Variants in LUZP2 observed in about 807,000 individuals in gnomAD.
LUZP2 encodes the protein leucine zipper protein 2.
A neutral mutation model predicts 51.6 loss-of-function variants in LUZP2; 52 were observed. The observed-to-expected ratio is 1.01, with a 90% CI of 0.81 to 1.27. The LOEUF (loss-of-function observed/expected upper bound fraction) is 1.27. LUZP2 is among the 50% of genes most tolerant of loss of function. LUZP2 has a pLI of 0.00. For synonymous variants in LUZP2, 154 were observed against 137.3 expected, an observed-to-expected ratio of 1.12 and a Z score of -0.85; for missense variants, 436 against 395.4, an observed-to-expected ratio of 1.10 and a Z score of -0.87.
intron 5 of LUZP2, among the ~76,000 whole-genome samples, chr11:24,836,993 T>G (rs1416628542): frequency 6.6e-6 from 1 of 150,548 alleles, no homozygotes; most frequent in African/African-American, 2.5e-5. Flanking sequence ...CCTCACCCTT[T>G]AAAGTCTTTC....
chr11:24,823,844 A>C (rs1850436814), intron 5 of LUZP2, among the ~76,000 whole-genome samples: 1 of 152,128 alleles, frequency 6.6e-6, no homozygotes, highest in Non-Finnish European at 1.5e-5. Context: ...CGGGTGGATC[A>C]CAAAGTCAGG....
chr11:24,602,224 G>A (rs866734574), intron 1 of LUZP2, among the ~76,000 whole-genome samples: 4 of 17,028 alleles, frequency 2.3e-4, no homozygotes, highest in South Asian at 1.9e-3. Flanking sequence ...ATGTATATAT[G>A]TACATATATG....
chr11:24,968,402 G>C (rs977119096), intron 7 of LUZP2, among the ~76,000 whole-genome samples: 1 of 152,112 alleles, frequency 6.6e-6, no homozygotes, highest in African/African-American at 2.4e-5. Context: ...GCAAGATTTT[G>C]ACTGTGGGCT....
intron 5 of LUZP2, among the ~76,000 whole-genome samples, chr11:24,807,589 A>C (rs1163095326): frequency 6.6e-6 from 1 of 152,134 alleles, no homozygotes; most frequent in African/African-American, 2.4e-5. Context: ...AAGAATGAAT[A>C]GTTGTGTAGA....
At chr11:24,698,490 T>C (rs1857317607) in intron 1 of LUZP2, among the ~76,000 whole-genome samples, 2 of 152,306 alleles carry the variant, frequency 1.3e-5, no homozygotes, top group African/African-American at 4.8e-5. Flanking sequence ...TTTATAGTTC[T>C]TCAAAAAAGG....
At chr11:24,510,905 G>C (rs1460017425) in intron 1 of LUZP2, among the ~76,000 whole-genome samples, 4 of 152,128 alleles carry the variant, frequency 2.6e-5, no homozygotes, top group African/African-American at 9.7e-5. Context: ...CCAGCTTGTT[G>C]CTCTGTTGAG....
chr11:24,537,756 ATAT>A, intron 1 of LUZP2, among the ~76,000 whole-genome samples: 1 of 152,030 alleles, frequency 6.6e-6, no homozygotes, highest in East Asian at 1.9e-4. Flanking sequence ...CCTTTTGCAT[ATAT>A]TATTATATCA....
intron 5 of LUZP2, among the ~76,000 whole-genome samples, chr11:24,772,780 T>C (rs1486535868): frequency 6.6e-6 from 1 of 152,168 alleles, no homozygotes; most frequent in African/African-American, 2.4e-5. Context: ...TCCATGTCAC[T>C]CTTTGGCTTG....
intron 9 of LUZP2, among the ~76,000 whole-genome samples, chr11:25,032,663 A>G (rs574759378): frequency 1.3e-5 from 2 of 152,256 alleles, no homozygotes; most frequent in Admixed American, 1.3e-4. Flanking sequence ...CTGGGCAAAT[A>G]GCATTGATAA....
intron 5 of LUZP2, among the ~76,000 whole-genome samples, chr11:24,880,526 T>A (rs1297901899): frequency 6.6e-6 from 1 of 152,162 alleles, no homozygotes; most frequent in Non-Finnish European, 1.5e-5. Flanking sequence ...TCTTGCTCTG[T>A]CCCTTTTCTA....
At chr11:24,623,510 G>A (rs1231360490) in intron 1 of LUZP2, among the ~76,000 whole-genome samples, 2 of 151,388 alleles carry the variant, frequency 1.3e-5, no homozygotes, top group Non-Finnish European at 2.9e-5. Context: ...CTCCTTGTGA[G>A]CTGGAAATGT....
Position 24,851,440 on chromosome 11 carries a change from C to T in LUZP2, c.397-54551C>T, listed in dbSNP as rs765393338. On this transcript the variant is annotated intron_variant, in intron 5 of 11. Transcript: ENST00000336930. ...GTGTATATTAAACCAGCCTTGCATC[C>T]CAGGGATGAAGCCGACTTGATCGTA... Among the ~76,000 whole-genome samples the T allele has an allele frequency of 1.0e-3, 157 of 152,206 alleles. 2 individuals are homozygous for T. The highest frequency in any genetic ancestry group is 6.8e-3 in the Middle Eastern group (2 of 292).
chr11:24,877,487 T>C (rs770743259), intron 5 of LUZP2, among the ~76,000 whole-genome samples: 43 of 152,124 alleles, frequency 2.8e-4, no homozygotes, highest in Non-Finnish European at 6.3e-4. Flanking sequence ...GTATATATAT[T>C]TGTGGGGTAC....
chr11:24,788,715 A>G (rs532529013), intron 5 of LUZP2, among the ~76,000 whole-genome samples: 2 of 152,096 alleles, frequency 1.3e-5, no homozygotes, highest in Admixed American at 6.6e-5. Flanking sequence ...CCAATTCCAT[A>G]ATCTATATGG....
intron 1 of LUZP2, among the ~76,000 whole-genome samples, chr11:24,634,133 A>T (rs1334328994): frequency 1.3e-5 from 2 of 152,090 alleles, no homozygotes; most frequent in Non-Finnish European, 2.9e-5. Flanking sequence ...TACTTCAGTC[A>T]TCTTATATGT....
At chr11:24,586,274 C>T (rs887123098) in intron 1 of LUZP2, among the ~76,000 whole-genome samples, 1 of 152,076 alleles carries the variant, frequency 6.6e-6, no homozygotes, top group Non-Finnish European at 1.5e-5. Flanking sequence ...TATCACATTA[C>T]CCCATCTCTC....
chr11:25,059,340 T>C (rs1350905261), intron 10 of LUZP2, among the ~76,000 whole-genome samples: 1 of 152,206 alleles, frequency 6.6e-6, no homozygotes, highest in Non-Finnish European at 1.5e-5. Flanking sequence ...TCTTGAAGTT[T>C]TATTCTCTAT....
intron 1 of LUZP2, among the ~76,000 whole-genome samples, chr11:24,574,177 CTTTCTTTT>C (rs1263630756): frequency 4.6e-5 from 6 of 129,240 alleles, no homozygotes; most frequent in Non-Finnish European, 8.4e-5. Context: ...TTCTTTCTTT[CTTTCTTTT>C]CTTTCTTTCT....
Position 25,010,164 on chromosome 11 carries a change from T to C in LUZP2, c.765+26871T>C, listed in dbSNP as rs181882987. 3.3e-5 allele frequency among the ~76,000 whole-genome samples: 5 copies of C among 152,310 alleles called. 1 individual carries two copies. Among genetic ancestry groups the C allele is most frequent in the Admixed American group, 6.5e-5 (1 of 15,290 alleles). ...ACCAATAATTTCTATTCAAGTAACC[T>C]TAAATTCAAGCATATGCTGCTATTT... On this transcript the variant is annotated intron_variant, in intron 9 of 11. Transcript: ENST00000336930.
Sources: gnomAD v4.1 joint callset for allele counts (sites outside exome capture counted in the v4.1 genomes callset) on GRCh38, gnomAD v4.1.1 for gene constraint, MANE v1.5 for transcripts, NCBI Gene and HGNC (gene_info 2026-07-23, HGNC 2026-07-21) for gene names.